BLOC1S5: variants seen among roughly 807,000 people sequenced by gnomAD.
BLOC1S5 encodes biogenesis of lysosome-related organelles complex 1 subunit 5.
A neutral mutation model predicts 24.3 loss-of-function variants in BLOC1S5; 27 were observed. That is an observed-to-expected ratio of 1.11 (90% CI 0.82 to 1.53). The LOEUF is 1.53. BLOC1S5 is among the 40% of genes most tolerant of loss of function. The pLI, the probability that BLOC1S5 is intolerant of heterozygous loss-of-function variation, is 0.00. For missense variants in BLOC1S5, 239 were observed against 229.4 expected, an observed-to-expected ratio of 1.04 and a Z score of -0.27; for synonymous variants, 84 against 74.5, an observed-to-expected ratio of 1.13 and a Z score of -0.66.
intron 3 of BLOC1S5, among the ~76,000 whole-genome samples, chr6:8,032,779 T>A (rs1763348235): frequency 6.6e-6 from 1 of 152,138 alleles, no homozygotes; most frequent in East Asian, 1.9e-4. Flanking sequence ...TTCAGCAAAG[T>A]CTCAGGATAC....
chr6:8,022,122 C>A (rs76377181), intron 4 of BLOC1S5, among the ~76,000 whole-genome samples: 31 of 151,874 alleles, frequency 2.0e-4, no homozygotes, highest in African/African-American at 7.2e-4. Context: ...AACCACACTT[C>A]TGCAGAGATT....
At chr6:8,048,360 C>T (rs1041331191) in intron 2 of BLOC1S5, among the ~76,000 whole-genome samples, 19 of 152,202 alleles carry the variant, frequency 1.2e-4, no homozygotes, top group African/African-American at 3.1e-4. Flanking sequence ...GGAGACTGAG[C>T]ACTAAGGCTG....
At position 8,014,813 on chromosome 6, in the gene BLOC1S5, CAT is replaced by C. The variant is rs1255024715; in HGVS notation, c.*834_*835del. Reference sequence around the variant, plus strand: ...TTGATTACTCATTAAACAGTCGAAACATGTATAGACATTATTTATCTTATAAA... The same window carrying C: ...TTGATTACTCATTAAACAGTCGAAACGTATAGACATTATTTATCTTATAAA... On this transcript the variant is annotated 3_prime_UTR_variant, in exon 5 of 5. Transcript: ENST00000397457. 1 of 152,374 alleles carries C rather than the reference CAT, an allele frequency of 6.6e-6. No homozygotes were observed. Among genetic ancestry groups the C allele is most frequent in the Middle Eastern group, 3.2e-3 (1 of 316 alleles). The allele number at this position is 152,374 out of a possible 1,614,324, so 9.4% of individuals were successfully genotyped here.
rs544746409 is a variant in BLOC1S5 at position 8,022,874 on chromosome 6, G to A, written c.384+3493C>T. On this transcript the variant is annotated intron_variant, in intron 4 of 4. Transcript: ENST00000397457. Reference sequence around the variant, plus strand: ...GCTGGGATTACAGGCGTGAGCCACCGCGCCCGGCCTCAAACTCTATTTAAA... The same window carrying A: ...GCTGGGATTACAGGCGTGAGCCACCACGCCCGGCCTCAAACTCTATTTAAA... 2.1e-5 allele frequency among the ~76,000 whole-genome samples: 3 copies of A among 141,034 alleles called. 1 individual carries two copies. Among genetic ancestry groups the A allele is most frequent in the African/African-American group, 9.6e-5 (3 of 31,410 alleles). 92.5% of individuals were successfully genotyped at this position (141,034 alleles called of 152,430 possible). A position where few individuals can be genotyped will look rare whatever the true frequency, so the allele number is the denominator to read the frequency against.
chr6:8,017,291 T>C (rs1581390408), intron 4 of BLOC1S5, among the ~76,000 whole-genome samples: 1 of 152,078 alleles, frequency 6.6e-6, no homozygotes, highest in African/African-American at 2.4e-5. Flanking sequence ...GAAGTTCGAA[T>C]TGCTTGAACC....
intron 3 of BLOC1S5, among the ~76,000 whole-genome samples, chr6:8,028,453 A>G (rs1388612506): frequency 6.6e-6 from 1 of 151,620 alleles, no homozygotes; most frequent in African/African-American, 2.4e-5. Flanking sequence ...TGCTTCTATC[A>G]TTTCCTGCGT....
chr6:8,053,609 G>A (rs1442724227), intron 2 of BLOC1S5, among the ~76,000 whole-genome samples: 1 of 152,094 alleles, frequency 6.6e-6, no homozygotes, highest in Non-Finnish European at 1.5e-5. Context: ...TCTATTAATT[G>A]GGCACCCAAG....
intron 3 of BLOC1S5, among the ~76,000 whole-genome samples, chr6:8,034,902 A>G (rs12209556): frequency 0.16 from 23,763 of 152,054 alleles, 1,931 homozygotes; most frequent in Admixed American, 0.19. Flanking sequence ...AATGCCCATC[A>G]ATCAACAAGT....
intron 4 of BLOC1S5, among the ~76,000 whole-genome samples, chr6:8,024,679 C>T (rs913941366): frequency 1.3e-5 from 2 of 152,118 alleles, no homozygotes; most frequent in Non-Finnish European, 2.9e-5. Context: ...TAACAGACTA[C>T]AGCAGGGATC....
rs185226629 is a variant in BLOC1S5, at chr6:8,032,736, T to G, written c.326-6311A>C. Reference sequence around the variant, plus strand: ...TGTATATTTAGAAAACCCCATCGTCTCAGCCCAAAATCTCCTTAAGCTGAT... The same window carrying G: ...TGTATATTTAGAAAACCCCATCGTCGCAGCCCAAAATCTCCTTAAGCTGAT... On this transcript the variant is annotated intron_variant, in intron 3 of 4. Transcript: ENST00000397457. 1.9e-3 allele frequency among the ~76,000 whole-genome samples: 282 copies of G among 152,320 alleles called. 1 individual carries two copies. The highest frequency in any genetic ancestry group is 6.8e-3 in the Middle Eastern group (2 of 294).
At chr6:8,053,035 A>G (rs1764177708) in intron 2 of BLOC1S5, among the ~76,000 whole-genome samples, 1 of 152,192 alleles carries the variant, frequency 6.6e-6, no homozygotes, top group African/African-American at 2.4e-5. Flanking sequence ...TCCTGGTGAA[A>G]TTAGGCCAAT....
chr6:8,036,228 A>G (rs1001230295), intron 3 of BLOC1S5, among the ~76,000 whole-genome samples: 4 of 152,170 alleles, frequency 2.6e-5, no homozygotes, highest in Non-Finnish European at 5.9e-5. Context: ...AACAGTACCA[A>G]CAGGGAAATT....
At chr6:8,056,648 A>T (rs1764319985) in intron 2 of BLOC1S5, among the ~76,000 whole-genome samples, 1 of 152,170 alleles carries the variant, frequency 6.6e-6, no homozygotes, top group African/African-American at 2.4e-5. Flanking sequence ...AAGAACAGAG[A>T]GTGGAGCTAT....
At chr6:8,047,160 TCACACACA>T (rs57923927) in intron 2 of BLOC1S5, among the ~76,000 whole-genome samples, 19,489 of 126,654 alleles carry the variant, frequency 0.15, 1,525 homozygotes, top group Middle Eastern at 0.23. Flanking sequence ...TCTCTCTCTC[TCACACACA>T]CACACACACA....
At chr6:8,020,701 A>G (rs1762888520) in intron 4 of BLOC1S5, among the ~76,000 whole-genome samples, 1 of 152,208 alleles carries the variant, frequency 6.6e-6, no homozygotes, top group African/African-American at 2.4e-5. Context: ...TTACACTGGC[A>G]TTGTTTTGTA....
chr6:8,020,522 C>A (rs949435311), intron 4 of BLOC1S5, among the ~76,000 whole-genome samples: 1 of 152,224 alleles, frequency 6.6e-6, no homozygotes, highest in African/African-American at 2.4e-5. Context: ...ATTCCAGAGG[C>A]TCTCCCCACC....
intron 4 of BLOC1S5, among the ~76,000 whole-genome samples, chr6:8,021,947 T>C (rs929209873): frequency 1.3e-5 from 2 of 152,066 alleles, no homozygotes; most frequent in East Asian, 3.9e-4. Flanking sequence ...ATACATTAAG[T>C]TACAACAGAG....
intron 3 of BLOC1S5, among the ~76,000 whole-genome samples, chr6:8,028,966 TA>T (rs373663378): frequency 0.013 from 1,988 of 148,660 alleles, 30 homozygotes; most frequent in African/African-American, 0.035. Flanking sequence ...TATATTGACT[TA>T]AAAAAAAAAG....
rs201162280 is a variant in BLOC1S5 at position 8,038,391 on chromosome 6, GGAATAT to G, written c.325+2742_325+2747del. Among the ~76,000 whole-genome samples, 1,161 of 152,142 alleles carry G rather than the reference GGAATAT, an allele frequency of 7.6e-3. 53 individuals carry two copies. The highest frequency in any genetic ancestry group is 0.071 in the Admixed American group (1,079 of 15,278). On this transcript the variant is annotated intron_variant, in intron 3 of 4. Coordinates refer to ENST00000397457, the MANE Select transcript of BLOC1S5 (RefSeq NM_201280.3). ...CTCAAAAGACATAAAATGGCCAACA[GGAATAT>G]GAAAAAAGTGCCCAAGATCACTAAT...
Sources: allele counts gnomAD v4.1 joint callset (sites outside exome capture counted in the v4.1 genomes callset), GRCh38; gene constraint gnomAD v4.1.1; transcripts MANE v1.5; gene names NCBI Gene and HGNC (gene_info 2026-07-23, HGNC 2026-07-21).